Variants in PM20D1 observed in about 807,000 individuals in gnomAD.
PM20D1 encodes the protein N-fatty-acyl-amino acid synthase/hydrolase PM20D1.
PM20D1 carries 53 observed loss-of-function variants against 53.8 expected under a neutral mutation model. The ratio of observed to expected loss-of-function variants is 0.98; its 90% CI spans 0.79 to 1.24. The LOEUF (loss-of-function observed/expected upper bound fraction) is 1.24. Among genes scored for constraint, PM20D1 ranks in the 50% most tolerant of loss-of-function variants. The pLI is 0.00. For missense variants in PM20D1, 564 were observed against 616.8 expected, an observed-to-expected ratio of 0.91 and a Z score of 0.91; for synonymous variants, 239 against 241.3, an observed-to-expected ratio of 0.99 and a Z score of 0.09.
At chr1:205,838,074 C>T (rs1198759575) in intron 10 of PM20D1, among the ~76,000 whole-genome samples, 1 of 152,068 alleles carries the variant, frequency 6.6e-6, no homozygotes, top group Non-Finnish European at 1.5e-5. Context: ...GAGGAGTGTG[C>T]CTCTCTCCTT....
At chr1:205,835,240 A>G (rs1202348191) in intron 10 of PM20D1, among the ~76,000 whole-genome samples, 1 of 152,208 alleles carries the variant, frequency 6.6e-6, no homozygotes, top group Admixed American at 6.5e-5. Flanking sequence ...TCGTCTGAGC[A>G]TGGAGAAGGG....
chr1:205,840,824 C>A (rs1370563743), intron 9 of PM20D1, among the ~76,000 whole-genome samples: 1 of 152,166 alleles, frequency 6.6e-6, no homozygotes, highest in East Asian at 1.9e-4. Flanking sequence ...CTCACATATT[C>A]CTGGTCAGGC....
intron 1 of PM20D1, 125 bp downstream of exon 1, chr1:205,849,779 G>A: frequency 8.0e-7 from 1 of 1,242,382 alleles, no homozygotes; most frequent in Non-Finnish European, 1.1e-6. Context: ...GCCGGGCTGG[G>A]GTGCGTGTCG....
intron 2 of PM20D1, among the ~76,000 whole-genome samples, chr1:205,847,517 C>T (rs1453440061): frequency 8.0e-5 from 10 of 124,640 alleles, no homozygotes; most frequent in East Asian, 4.4e-4. Context: ...GTATATGTAC[C>T]GGTGTGTTTG....
intron 10 of PM20D1, among the ~76,000 whole-genome samples, chr1:205,833,852 C>CTT (rs151195714): frequency 1.4e-5 from 2 of 146,276 alleles, no homozygotes; most frequent in African/African-American, 2.5e-5. Context: ...AAGAGTACCT[C>CTT]TTTTTTTTTT....
intron 10 of PM20D1, among the ~76,000 whole-genome samples, chr1:205,836,483 C>T (rs768121439): frequency 6.6e-6 from 1 of 152,122 alleles, no homozygotes; most frequent in Non-Finnish European, 1.5e-5. Flanking sequence ...TTGCTTATAA[C>T]TCAGATATGG....
intron 10 of PM20D1, among the ~76,000 whole-genome samples, chr1:205,837,976 C>G (rs565967740): frequency 6.6e-6 from 1 of 152,146 alleles, no homozygotes. Flanking sequence ...CCAGGGCTCA[C>G]ATTGGTCCTA....
chr1:205,845,123 G>A (rs1033790173), intron 3 of PM20D1, among the ~76,000 whole-genome samples: 4 of 152,126 alleles, frequency 2.6e-5, no homozygotes, highest in Non-Finnish European at 4.4e-5. Context: ...GACTGAAAGG[G>A]TCCCTGGGGA....
intron 6 of PM20D1, 105 bp downstream of exon 6, chr1:205,843,562 G>T: frequency 1.4e-6 from 2 of 1,480,340 alleles, no homozygotes; most frequent in Non-Finnish European, 1.8e-6. Flanking sequence ...TAGTTTCCCA[G>T]CCCAACTTTA....
chr1:205,846,979 C>G (rs1409391863), intron 2 of PM20D1, among the ~76,000 whole-genome samples: 1 of 112,924 alleles, frequency 8.9e-6, no homozygotes, highest in Non-Finnish European at 1.9e-5. Context: ...CTGAGCCACT[C>G]ATTTTTGTTT....
At chr1:205,848,034 C>T in intron 1 of PM20D1, 63 bp from the exon 2 acceptor site, 3 of 1,500,978 alleles carry the variant, frequency 2.0e-6, no homozygotes, top group Non-Finnish European at 2.8e-6. Flanking sequence ...TTTCTACAGT[C>T]CTCTGTGCAC....
intron 1 of PM20D1, among the ~76,000 whole-genome samples, 156 bp downstream of exon 1, chr1:205,849,748 T>C (rs1657085374): frequency 6.6e-6 from 1 of 151,916 alleles, no homozygotes; most frequent in Non-Finnish European, 1.5e-5. Context: ...AGGGGCACGA[T>C]GTGCTGGGAA....
chr1:205,828,684 A>T lies in PM20D1; in HGVS notation c.1445T>A (p.Ile482Asn). The change falls in exon 13 of 13, where the codon ATC becomes AAC. Residue 482 changes from isoleucine to asparagine, a missense_variant. Physicochemically the swap from Ile to Asn is moderately radical, Grantham distance 149. Coordinates refer to ENST00000367136, the MANE Select transcript of PM20D1 (RefSeq NM_152491.5). ...VQAYETQVKF[I>N]FELIQNADTD... is the part of the protein sequence containing the mutation. ...GTCAGCATTCTGAATCAACTCAAAG[A>T]TGAATTTCACTTGGGTCTCATAGGC... 6.2e-7 allele frequency: 1 copy of T among 1,614,192 alleles called. No homozygotes were observed.
intron 12 of PM20D1, 56 bp from the exon 13 acceptor site, chr1:205,828,799 A>G (rs531899327): frequency 1.2e-6 from 2 of 1,604,320 alleles, no homozygotes; most frequent in East Asian, 2.2e-5. Flanking sequence ...GCCACAGCAC[A>G]AGTGTTATCA....
At chr1:205,846,060 G>A (rs2102531500) in intron 2 of PM20D1, among the ~76,000 whole-genome samples, 1 of 145,914 alleles carries the variant, frequency 6.9e-6, no homozygotes, top group Non-Finnish European at 1.5e-5. Context: ...TCCAGCGTGG[G>A]TGACAAGAGC....
chr1:205,846,582 A>G (rs1355209326), intron 2 of PM20D1, among the ~76,000 whole-genome samples: 5 of 152,152 alleles, frequency 3.3e-5, no homozygotes, highest in African/African-American at 1.2e-4. Flanking sequence ...ACCAAATTAT[A>G]TTTAAATATT....
chr1:205,834,034 G>A lies in PM20D1; in HGVS notation c.1117-1268C>T, dbSNP rs1430048446. Among the ~76,000 whole-genome samples, 4 of 151,626 alleles carry A rather than the reference G, an allele frequency of 2.6e-5. No homozygotes were observed. In the East Asian group the frequency reaches 7.7e-4, roughly 29 times the overall value. On this transcript the variant is annotated intron_variant, in intron 10 of 12. Coordinates refer to ENST00000367136, the MANE Select transcript of PM20D1 (RefSeq NM_152491.5). ...GACTAATTTTTGTATTTTTAGTAGAGACTGGGTTTCACCATGTTGGTCAGG... is the reference window on the plus strand; with the variant it reads ...GACTAATTTTTGTATTTTTAGTAGAAACTGGGTTTCACCATGTTGGTCAGG...
rs1384648914 is a variant in PM20D1, at chr1:205,844,898, C to T, written c.490-1G>A. ...GGAGCTCCAAGGCCTGCAGTAATGC[C>T]TGGGGTTCAGAAGCACAATGGAAGA... is the stretch of plus-strand genomic sequence containing the variant. On this transcript the variant is annotated splice_acceptor_variant, in intron 3 of 12. Coordinates refer to ENST00000367136, the MANE Select transcript of PM20D1 (RefSeq NM_152491.5). LOFTEE classifies it high-confidence loss of function. The T allele has an allele frequency of 6.8e-6, 11 of 1,613,086 alleles. No homozygotes were observed. The highest frequency in any genetic ancestry group is 3.3e-5 in the Admixed American group (2 of 59,990).
chr1:205,834,568 G>T (rs886952523), intron 10 of PM20D1, among the ~76,000 whole-genome samples: 10 of 152,158 alleles, frequency 6.6e-5, no homozygotes, highest in South Asian at 2.1e-4. Flanking sequence ...CAAATATCCT[G>T]CTATTGGATG....
Sources: allele counts gnomAD v4.1 joint callset (sites outside exome capture counted in the v4.1 genomes callset), GRCh38; gene constraint gnomAD v4.1.1; transcripts MANE v1.5; gene names NCBI Gene and HGNC (gene_info 2026-07-23, HGNC 2026-07-21).